Variants in SPAG5 observed in about 807,000 individuals in gnomAD.
SPAG5 encodes the protein sperm-associated antigen 5.
In SPAG5, 99 loss-of-function variants were observed where a neutral mutation model predicts 145.4. The ratio of observed to expected loss-of-function variants is 0.68; its 90% CI spans 0.58 to 0.80. The LOEUF is 0.80. SPAG5 is among the 30% of genes least tolerant of loss of function. The pLI, the probability that SPAG5 is intolerant of heterozygous loss-of-function variation, is 0.00. For synonymous variants in SPAG5, 477 were observed against 525.4 expected, an observed-to-expected ratio of 0.91 and a Z score of 1.26; for missense variants, 1,192 against 1,416.0, an observed-to-expected ratio of 0.84 and a Z score of 2.54.
At chr17:28,577,837 G>T (rs897565412) in intron 23 of SPAG5, 67 bp from the exon 24 acceptor site, 4 of 1,390,402 alleles carry the variant, frequency 2.9e-6, no homozygotes, top group Non-Finnish European at 4.1e-6. Flanking sequence ...CCAGCCCCAG[G>T]AGGCAGCCGC....
At position 28,592,134 on chromosome 17, in the gene SPAG5, C is replaced by T; in HGVS notation, c.1110G>A (p.Arg370=). The T allele has an allele frequency of 6.2e-7, 1 of 1,614,068 alleles. No individual in the cohort carries two copies. The highest frequency in any genetic ancestry group is 8.5e-7 in the Non-Finnish European group (1 of 1,180,008). The change falls in exon 3 of 24, where the codon CGG becomes CGA. Residue 370 remains arginine (R), a synonymous_variant. Coordinates refer to ENST00000321765, the MANE Select transcript of SPAG5 (RefSeq NM_006461.4). Reference sequence around the variant, plus strand: ...AAGGGGTAGTGCCAATTGCAGCATCCCGAAGCATCGAGGGAAGGGATAAGC... The same window carrying T: ...AAGGGGTAGTGCCAATTGCAGCATCTCGAAGCATCGAGGGAAGGGATAAGC... ...RQSLSLPSML[R]DAAIGTTPFS...
chr17:28,587,435 A>G (rs1429224837), intron 4 of SPAG5, among the ~76,000 whole-genome samples: 2 of 147,492 alleles, frequency 1.4e-5, no homozygotes, highest in African/African-American at 5.1e-5. Flanking sequence ...AATCCCAGCT[A>G]CTCCGGAGGC....
In SPAG5 at chr17:28,585,428, G is replaced by A; in HGVS notation, c.1861-17C>T. 1 of 1,613,992 alleles carries A rather than the reference G, an allele frequency of 6.2e-7. No individual in the cohort carries two copies. The highest frequency in any genetic ancestry group is 1.3e-5 in the African/African-American group (1 of 75,044). ...AAGCCCTACCTACAAAAGAAAGATT[G>A]CCTAGGCGGGAACCCCTTCCCTTTG... On this transcript the variant is annotated splice_polypyrimidine_tract_variant and intron_variant, in intron 8 of 23. Coordinates refer to ENST00000321765, the MANE Select transcript of SPAG5 (RefSeq NM_006461.4).
chr17:28,585,601 T>C lies in SPAG5; in HGVS notation c.1793A>G (p.Gln598Arg). 3 of 1,614,176 alleles carry C rather than the reference T, an allele frequency of 1.9e-6. No individual in the cohort carries two copies. Among genetic ancestry groups the C allele is most frequent in the Non-Finnish European group, 1.7e-6 (2 of 1,180,036 alleles). Residue 598 changes from glutamine to arginine, a missense_variant, in exon 8 of 24, where the codon CAG becomes CGG. Physicochemically the swap from Gln to Arg is conservative, Grantham distance 43 (BLOSUM62 1). Transcript: ENST00000321765. Reference sequence around the variant, plus strand: ...CATGGATGCTAGGTCCTGTTCCAGCTGGCTGATGCGCTGGCTGGCGTGTGC... The same window carrying C: ...CATGGATGCTAGGTCCTGTTCCAGCCGGCTGATGCGCTGGCTGGCGTGTGC... ...FCAHASQRIS[Q>R]LEQDLASMRE...
intron 8 of SPAG5, 31 bp downstream of exon 8, chr17:28,585,503 G>C: frequency 1.2e-6 from 2 of 1,613,892 alleles, no homozygotes; most frequent in Non-Finnish European, 1.7e-6. Flanking sequence ...TGTCAGCACA[G>C]ACCCCAGGAA....
chr17:28,598,501 G>A lies in SPAG5; in HGVS notation c.177+9C>T. 1.2e-6 allele frequency: 2 copies of A among 1,612,924 alleles called. No homozygotes were observed. The highest frequency in any genetic ancestry group is 1.7e-6 in the Non-Finnish European group (2 of 1,179,758). ...AGCCCAGTCGAGAAGCTGTCCAGGC[G>A]AATCTCACCTGCAGCCCCAGCTTGC... On this transcript the variant is annotated intron_variant, in intron 2 of 23. Coordinates refer to ENST00000321765, the MANE Select transcript of SPAG5 (RefSeq NM_006461.4).
chr17:28,587,326 C>A (rs1471801397), intron 4 of SPAG5, among the ~76,000 whole-genome samples: 1 of 151,548 alleles, frequency 6.6e-6, no homozygotes. Context: ...GCGGGCGGAT[C>A]ACCTGAGGTC....
chr17:28,593,108 C>T, intron 2 of SPAG5, 42 bp from the exon 3 acceptor site: 1 of 1,587,824 alleles, frequency 6.3e-7, no homozygotes, highest in Non-Finnish European at 8.6e-7. Context: ...GCAGTCAATT[C>T]AGTTCCCGAC....
chr17:28,598,451 C>G, intron 2 of SPAG5, 59 bp downstream of exon 2: 1 of 1,577,408 alleles, frequency 6.3e-7, no homozygotes, highest in Non-Finnish European at 8.6e-7. Context: ...CCCTCTGTTC[C>G]CCTGAGCTCT....
At position 28,577,708 on chromosome 17, in the gene SPAG5, A is replaced by G; in HGVS notation, c.3573T>C (p.Phe1191=). The G allele has an allele frequency of 6.2e-7, 1 of 1,613,358 alleles. No individual in the cohort carries two copies. Among genetic ancestry groups the G allele is most frequent in the Non-Finnish European group, 8.5e-7 (1 of 1,179,222 alleles). ...GCKELQGLLE[F]LS is the part of the protein sequence containing the mutation. ...TCTGGCTTTCAGTTTCTTAGCTCAGAAATTCCAGCAATCCCTGTAGTTCTT... is the reference window on the plus strand; with the variant it reads ...TCTGGCTTTCAGTTTCTTAGCTCAGGAATTCCAGCAATCCCTGTAGTTCTT... The change falls in exon 24 of 24, where the codon TTT becomes TTC. Residue 1191 remains phenylalanine, a synonymous_variant. Coordinates refer to ENST00000321765, the MANE Select transcript of SPAG5 (RefSeq NM_006461.4).
chr17:28,589,790 C>T (rs1269861369), intron 4 of SPAG5, among the ~76,000 whole-genome samples: 2 of 152,092 alleles, frequency 1.3e-5, no homozygotes, highest in South Asian at 2.1e-4. Context: ...CATACACCTA[C>T]AGTCCTAGCT....
chr17:28,579,221 C>G lies in SPAG5; in HGVS notation c.3037G>C (p.Glu1013Gln), dbSNP rs945074757. 1.9e-6 allele frequency: 3 copies of G among 1,614,102 alleles called. No homozygotes were observed. The highest frequency in any genetic ancestry group is 8.5e-7 in the Non-Finnish European group (1 of 1,180,054). The stretch of plus-strand genomic sequence containing the variant: ...TTCTGGACTTCCTGATGCTGTTCTT[C>G]CTGGGCCTGCAGCCTAGCTTGCAGC... ...CELQARLQAQ[E>Q]EQHQEVQKAK... is the part of the protein sequence containing the mutation. The change falls in exon 19 of 24, where the codon GAA becomes CAA. Residue 1013 changes from glutamate to glutamine, a missense_variant. Around this residue, in one of 5 missense-constraint regions of SPAG5, gnomAD observed 709 missense variants for 840.7 expected, o/e 0.84. Transcript: ENST00000321765.
At chr17:28,578,882 TC>T in intron 19 of SPAG5, 130 bp from the exon 20 acceptor site, 1 of 803,308 alleles carries the variant, frequency 1.2e-6, no homozygotes. Flanking sequence ...GCCAATTCTT[TC>T]CCCAGGGCCA....
chr17:28,591,791 G>C lies in SPAG5; in HGVS notation c.1344C>G (p.Leu448=). 6.2e-7 allele frequency: 1 copy of C among 1,614,166 alleles called. No individual in the cohort carries two copies. The highest frequency in any genetic ancestry group is 8.5e-7 in the Non-Finnish European group (1 of 1,180,036). Residue 448 remains leucine (L), a synonymous_variant, in exon 4 of 24, where the codon CTC becomes CTG. Coordinates refer to ENST00000321765, the MANE Select transcript of SPAG5 (RefSeq NM_006461.4). ...TCTTCCAGTCCCGAAGCTGGCGGGA[G>C]AGAACCTCCAGAATGACAAGAGAGC... ...LLSSLVILEV[L]SRQLRDWKSQ...
At chr17:28,578,138 T>G (rs1190409838) in intron 22 of SPAG5, 48 bp from the exon 23 acceptor site, 2 of 1,610,402 alleles carry the variant, frequency 1.2e-6, no homozygotes, top group East Asian at 2.2e-5. Flanking sequence ...AAGAGCAAAC[T>G]TGGTAGGACA....
At chr17:28,597,471 A>G (rs1404272594) in intron 2 of SPAG5, among the ~76,000 whole-genome samples, 2 of 152,208 alleles carry the variant, frequency 1.3e-5, no homozygotes, top group East Asian at 1.9e-4. Context: ...TAAGTGCTCA[A>G]TAACCATGTG....
intron 2 of SPAG5, among the ~76,000 whole-genome samples, chr17:28,593,679 G>C (rs1189004887): frequency 6.6e-6 from 1 of 151,874 alleles, no homozygotes; most frequent in African/African-American, 2.4e-5. Flanking sequence ...AGCCAAAATC[G>C]TGCCACTGCA....
Position 28,583,893 on chromosome 17 carries a change from A to G in SPAG5, c.2506T>C (p.Leu836=). Residue 836 remains leucine, a synonymous_variant, in exon 14 of 24, where the codon TTG becomes CTG. Transcript: ENST00000321765. ...GTGTCCTTGAGGTTCTCACACTGCAAGCTGCGCTCCCGGAGCACTTCCAGT... is the reference window on the plus strand; with the variant it reads ...GTGTCCTTGAGGTTCTCACACTGCAGGCTGCGCTCCCGGAGCACTTCCAGT... ...TTLEVLRERS[L]QCENLKDTVE... is the part of the protein sequence containing the mutation. The G allele has an allele frequency of 1.2e-6, 2 of 1,614,186 alleles. No homozygotes were observed. Among genetic ancestry groups the G allele is most frequent in the Non-Finnish European group, 1.7e-6 (2 of 1,180,028 alleles).
chr17:28,592,540 G>A lies in SPAG5; in HGVS notation c.704C>T (p.Ser235Phe). 6.2e-7 allele frequency: 1 copy of A among 1,614,106 alleles called. No homozygotes were observed. The highest frequency in any genetic ancestry group is 2.2e-5 in the East Asian group (1 of 44,906). ...GGAAGGCAAGAAGGCGTTACTTTCA[G>A]AAGGTACTAAGTCCTCACGCACAGC... is the stretch of plus-strand genomic sequence containing the variant. ...TEAVREDLVP[S>F]ESNAFLPSSV... The change falls in exon 3 of 24, where the codon TCT (serine) becomes TTT (phenylalanine). Residue 235 changes from serine to phenylalanine, a missense_variant. Transcript: ENST00000321765.
Sources: allele counts gnomAD v4.1 joint callset (sites outside exome capture counted in the v4.1 genomes callset), GRCh38; gene constraint gnomAD v4.1.1; regional missense constraint gnomAD v4.1.1; transcripts MANE v1.5; gene names NCBI Gene and HGNC (gene_info 2026-07-23, HGNC 2026-07-21).